SAMMSON: variants seen among roughly 807,000 people sequenced by gnomAD.
The protein encoded by SAMMSON is survival associated mitochondrial melanoma specific oncogenic non-coding RNA.
chr3:70,404,857 A>G (rs1180129728), intron 2 of SAMMSON, among the ~76,000 whole-genome samples: 1 of 152,148 alleles, frequency 6.6e-6, no homozygotes, highest in Non-Finnish European at 1.5e-5. Context: ...GCAAGCTGGA[A>G]GCCACTAGAG....
chr3:70,283,633 T>G (rs2106684337), intron 6 of SAMMSON: 1 of 152,172 alleles, frequency 6.6e-6, no homozygotes, highest in Non-Finnish European at 1.5e-5. Flanking sequence ...ATTAAAGGGA[T>G]TCATGCTGGG....
chr3:70,168,631 T>C (rs1466479161), intron 4 of SAMMSON, among the ~76,000 whole-genome samples: 1 of 151,978 alleles, frequency 6.6e-6, no homozygotes, highest in Non-Finnish European at 1.5e-5. Context: ...AGGCATAGAA[T>C]TGGTAGCCAA....
chr3:70,431,947 A>G (rs1171147804), intron 2 of SAMMSON, among the ~76,000 whole-genome samples: 2 of 152,082 alleles, frequency 1.3e-5, no homozygotes, highest in Non-Finnish European at 2.9e-5. Flanking sequence ...CATTTCAAAC[A>G]TATACCACAA....
chr3:70,304,713 T>C (rs1702383451), intron 7 of SAMMSON, among the ~76,000 whole-genome samples: 1 of 152,232 alleles, frequency 6.6e-6, no homozygotes, highest in Non-Finnish European at 1.5e-5. Flanking sequence ...AATACTCTCC[T>C]ACTTTATTTC....
chr3:70,251,330 A>AT, intron 6 of SAMMSON, among the ~76,000 whole-genome samples: 1 of 152,206 alleles, frequency 6.6e-6, no homozygotes, highest in African/African-American at 2.4e-5. Context: ...TTCAGTCTTC[A>AT]TTTTCTATGT....
Position 70,208,542 on chromosome 3 carries a change from C to T in SAMMSON, n.508-40565C>T, listed in dbSNP as rs1050293036. 2.6e-5 allele frequency among the ~76,000 whole-genome samples: 4 copies of T among 152,064 alleles called. No individual in the cohort carries two copies. The South Asian group carries it at 8.3e-4, about 32-fold the overall frequency. The stretch of plus-strand genomic sequence containing the variant: ...CTCTGGTATTCCCCTATTCAGGAGA[C>T]CAATTAAATCACAATCCTTGGTGGG... On this transcript the variant is annotated intron_variant and non_coding_transcript_variant, in intron 4 of 9. Coordinates refer to ENST00000642114, the Ensembl canonical transcript of SAMMSON.
intron 6 of SAMMSON, among the ~76,000 whole-genome samples, chr3:70,278,846 A>C (rs1245417814): frequency 2.0e-5 from 3 of 151,942 alleles, no homozygotes; most frequent in African/African-American, 7.3e-5. Context: ...GCCACCTCAA[A>C]TCAAAGGGTT....
chr3:70,407,562 A>G (rs983074165), intron 2 of SAMMSON, among the ~76,000 whole-genome samples: 4 of 152,224 alleles, frequency 2.6e-5, no homozygotes, highest in Non-Finnish European at 5.9e-5. Context: ...AAGCTTCAAA[A>G]TGATCTCCTT....
At chr3:70,024,461 A>G (rs2067029406) in intron 3 of SAMMSON, among the ~76,000 whole-genome samples, 1 of 152,232 alleles carries the variant, frequency 6.6e-6, no homozygotes, top group South Asian at 2.1e-4. Context: ...ACAACTCATC[A>G]TATACCACCA....
At chr3:70,048,544 GA>G (rs749184213) in intron 3 of SAMMSON, among the ~76,000 whole-genome samples, 2 of 151,986 alleles carry the variant, frequency 1.3e-5, no homozygotes, top group Non-Finnish European at 2.9e-5. Flanking sequence ...CCTTTATAGG[GA>G]CAACACCAAA....
intron 4 of SAMMSON, among the ~76,000 whole-genome samples, chr3:70,146,018 C>CT (rs1211207203): frequency 1.3e-5 from 2 of 151,888 alleles, no homozygotes; most frequent in Non-Finnish European, 2.9e-5. Flanking sequence ...GAGAACATCA[C>CT]TACAGACATT....
At chr3:70,404,765 G>A (rs539131620) in intron 2 of SAMMSON, among the ~76,000 whole-genome samples, 1 of 152,260 alleles carries the variant, frequency 6.6e-6, no homozygotes, top group South Asian at 2.1e-4. Flanking sequence ...TTCTATCCGA[G>A]GCACTTTCTG....
chr3:70,046,137 A>G (rs927915380), intron 3 of SAMMSON, among the ~76,000 whole-genome samples: 4 of 152,138 alleles, frequency 2.6e-5, no homozygotes, highest in Non-Finnish European at 5.9e-5. Flanking sequence ...CCTCCACTGC[A>G]TGAAAATTAA....
At chr3:70,058,567 T>C (rs539847813) in intron 3 of SAMMSON, among the ~76,000 whole-genome samples, 7 of 152,184 alleles carry the variant, frequency 4.6e-5, no homozygotes, top group African/African-American at 1.7e-4. Flanking sequence ...GTAGCCACAG[T>C]ACTGAGGAGA....
At chr3:70,287,318 T>A (rs1259623400) in intron 6 of SAMMSON, among the ~76,000 whole-genome samples, 1 of 145,772 alleles carries the variant, frequency 6.9e-6, no homozygotes, top group Non-Finnish European at 1.5e-5. Context: ...GAGATAATCA[T>A]GTGGTTTTTG....
intron 7 of SAMMSON, among the ~76,000 whole-genome samples, chr3:70,298,155 G>C (rs750573728): frequency 6.6e-6 from 1 of 152,012 alleles, no homozygotes; most frequent in Non-Finnish European, 1.5e-5. Context: ...GTTAGATTTG[G>C]CATCTAAATA....
chr3:70,103,380 G>A (rs1576122549), intron 4 of SAMMSON, among the ~76,000 whole-genome samples: 1 of 152,158 alleles, frequency 6.6e-6, no homozygotes, highest in Admixed American at 6.6e-5. Flanking sequence ...GTTTACATAA[G>A]TTACCTGCAT....
At chr3:70,111,662 A>G (rs967112466) in intron 4 of SAMMSON, among the ~76,000 whole-genome samples, 3 of 152,220 alleles carry the variant, frequency 2.0e-5, no homozygotes, top group Admixed American at 6.5e-5. Context: ...TATAAAGAGG[A>G]TATTACATAA....
At chr3:70,257,759 G>A (rs911781385) in intron 6 of SAMMSON, among the ~76,000 whole-genome samples, 1 of 152,176 alleles carries the variant, frequency 6.6e-6, no homozygotes, top group African/African-American at 2.4e-5. Flanking sequence ...TGTATTCAGT[G>A]CAATCCCAAT....
Sources: allele counts gnomAD v4.1 joint callset (sites outside exome capture counted in the v4.1 genomes callset), GRCh38; gene constraint gnomAD v4.1.1; transcripts MANE v1.5; gene names NCBI Gene and HGNC (gene_info 2026-07-23, HGNC 2026-07-21).